The following LRRC4B variants were observed in gnomAD, a reference collection of about 807,000 sequenced individuals.
The protein encoded by LRRC4B is leucine rich repeat containing 4B, also known as leucine-rich repeat-containing protein 4B.
Under a neutral mutation model 7.3 loss-of-function variants are expected in LRRC4B, and 1 was observed. That is an observed-to-expected ratio of 0.14 (90% CI 0.05 to 0.65). LRRC4B has a LOEUF of 0.65. LRRC4B is among the 30% of genes least tolerant of loss of function. The probability of loss-of-function intolerance (pLI) is 0.84; values close to 1 mark genes in which losing one functional copy is unlikely to be tolerated. For missense variants in LRRC4B, 730 were observed against 1,041.6 expected, an observed-to-expected ratio of 0.70 and a Z score of 4.12; for synonymous variants, 500 against 499.2, an observed-to-expected ratio of 1.00 and a Z score of -0.02.
In LRRC4B at chr19:50,563,161, G is replaced by A. The variant is rs1982524759; in HGVS notation, c.-36+4783C>T. Among the ~76,000 whole-genome samples the A allele has an allele frequency of 6.6e-6, 1 of 152,110 alleles. No individual in the cohort carries two copies. The highest frequency in any genetic ancestry group is 1.5e-5 in the Non-Finnish European group (1 of 67,996). On this transcript the variant is annotated intron_variant, in intron 1 of 2. Coordinates refer to ENST00000652263, the MANE Select transcript of LRRC4B (RefSeq NM_001080457.2). This position sits in a 1 kb window ranked among gnomAD's most constrained non-coding sequence, Gnocchi z 4.9. ...CCTGGGCTCCCGCCTGCCTCCCGCA[G>A]TGAGCCCCCATCAGCCCCTCTCGTG...
chr19:50,528,614 C>T (rs967541630), intron 2 of LRRC4B, among the ~76,000 whole-genome samples: 3 of 152,244 alleles, frequency 2.0e-5, no homozygotes, highest in East Asian at 3.9e-4. Context: ...CAAAGTGCTG[C>T]GATGACGGGC....
intron 2 of LRRC4B, among the ~76,000 whole-genome samples, chr19:50,542,469 ATTTTTTTTTTTT>A (rs58092334): frequency 1.9e-5 from 2 of 107,236 alleles, no homozygotes; most frequent in South Asian, 3.0e-4. Context: ...AGAATTGCTG[ATTTTTTTTTTTT>A]TTTTTTTTTT....
In LRRC4B at chr19:50,556,933, G is replaced by A. The variant is rs1982295572; in HGVS notation, c.-35-8060C>T. ...GGAATGTCGAGCTGTTACAGAGGCC[G>A]TGGCAATGGGCCGGGGGCGGGGGGG... is the stretch of plus-strand genomic sequence containing the variant. On this transcript the variant is annotated intron_variant, in intron 1 of 2. Transcript: ENST00000652263. This position sits in a 1 kb window ranked among gnomAD's most constrained non-coding sequence, Gnocchi z 4.2. 6.6e-6 allele frequency among the ~76,000 whole-genome samples: 1 copy of A among 151,826 alleles called. No homozygotes were observed. Among genetic ancestry groups the A allele is most frequent in the Admixed American group, 6.6e-5 (1 of 15,244 alleles).
intron 2 of LRRC4B, among the ~76,000 whole-genome samples, chr19:50,521,313 G>A (rs375133000): frequency 2.0e-5 from 3 of 152,128 alleles, no homozygotes; most frequent in Non-Finnish European, 1.5e-5. Flanking sequence ...GCTTTCTGGG[G>A]TGATTGAAAG....
intron 2 of LRRC4B, among the ~76,000 whole-genome samples, chr19:50,531,307 G>A (rs539369650): frequency 7.2e-5 from 11 of 152,364 alleles, no homozygotes; most frequent in East Asian, 1.9e-4. Context: ...CCCGGGGAGC[G>A]TGCACCTGGG....
In LRRC4B at chr19:50,519,049, T is replaced by G; in HGVS notation, c.664A>C (p.Ile222Leu). The G allele has an allele frequency of 6.2e-7, 1 of 1,610,024 alleles. No individual in the cohort carries two copies. Among genetic ancestry groups the G allele is most frequent in the Non-Finnish European group, 8.5e-7 (1 of 1,179,846 alleles). ...CGCACCAGGGCCGTCAGGTTGGGGA[T>G]GTCCTTGAGGTTGCACATGCCCAGG... ...LNLGMCNLKD[I>L]PNLTALVRLE... The change falls in exon 3 of 3, where the codon ATC becomes CTC. Residue 222 changes from isoleucine to leucine, a missense_variant. By Grantham distance (5) the Ile-to-Leu change is conservative. Coordinates refer to ENST00000652263, the MANE Select transcript of LRRC4B (RefSeq NM_001080457.2). This position sits in a 1 kb window ranked among gnomAD's most constrained non-coding sequence, Gnocchi z 8.1.
chr19:50,526,457 CCA>C (rs1227850921), intron 2 of LRRC4B, among the ~76,000 whole-genome samples: 5 of 152,156 alleles, frequency 3.3e-5, no homozygotes, highest in Non-Finnish European at 7.3e-5. Flanking sequence ...TCCCTGGAGC[CCA>C]GAGTCCAGGT....
In LRRC4B at chr19:50,556,004, G is replaced by A. The variant is rs1982262480; in HGVS notation, c.-35-7131C>T. Among the ~76,000 whole-genome samples, 1 of 152,110 alleles carries A rather than the reference G, an allele frequency of 6.6e-6. No individual in the cohort carries two copies. ...TGGGAGAGACCCGGGTTCTGGGGGAGGGGACAGGCAGCGCTGGCGTTCTGA... is the reference window on the plus strand; with the variant it reads ...TGGGAGAGACCCGGGTTCTGGGGGAAGGGACAGGCAGCGCTGGCGTTCTGA... On this transcript the variant is annotated intron_variant, in intron 1 of 2. Transcript: ENST00000652263. The surrounding 1 kb of genome is among the most constrained non-coding windows in gnomAD (Gnocchi z 4.2).
chr19:50,564,319 C>T (rs78963896), intron 1 of LRRC4B, among the ~76,000 whole-genome samples: 5,425 of 152,012 alleles, frequency 0.036, 320 homozygotes, highest in African/African-American at 0.12. Context: ...CCTCTTGGGC[C>T]GCCCGGAGGA....
chr19:50,539,591 G>C (rs1981453368), intron 2 of LRRC4B, among the ~76,000 whole-genome samples: 2 of 151,042 alleles, frequency 1.3e-5, no homozygotes. Flanking sequence ...AATTTGTTCT[G>C]ATTATAAAAG....
intron 1 of LRRC4B, among the ~76,000 whole-genome samples, chr19:50,561,877 C>CT (rs1356160706): frequency 6.6e-6 from 1 of 152,060 alleles, no homozygotes; most frequent in Non-Finnish European, 1.5e-5. Flanking sequence ...AGGTGGGTCA[C>CT]TTGAGGTCAG....
At chr19:50,564,240 T>C (rs912454519) in intron 1 of LRRC4B, among the ~76,000 whole-genome samples, 1 of 152,154 alleles carries the variant, frequency 6.6e-6, no homozygotes, top group African/African-American at 2.4e-5. Context: ...TAGATTTTTA[T>C]GCAAAATCTC....
At chr19:50,526,930 T>A (rs934835608) in intron 2 of LRRC4B, among the ~76,000 whole-genome samples, 4 of 151,386 alleles carry the variant, frequency 2.6e-5, no homozygotes, top group African/African-American at 7.3e-5. Flanking sequence ...CTTGGCTTAC[T>A]ACAACCTCTG....
intron 1 of LRRC4B, among the ~76,000 whole-genome samples, chr19:50,565,549 G>GTGTT (rs1166163260): frequency 9.9e-5 from 15 of 151,838 alleles, no homozygotes; most frequent in Non-Finnish European, 2.2e-4. Flanking sequence ...GTGTGTGTGT[G>GTGTT]TGTGTGTGTG....
intron 2 of LRRC4B, among the ~76,000 whole-genome samples, chr19:50,535,890 G>C (rs1223478540): frequency 6.6e-6 from 1 of 152,222 alleles, no homozygotes; most frequent in Non-Finnish European, 1.5e-5. Flanking sequence ...GCCCAGAGAG[G>C]CATCTGAACC....
At chr19:50,531,874 C>G (rs1030491876) in intron 2 of LRRC4B, among the ~76,000 whole-genome samples, 8 of 152,112 alleles carry the variant, frequency 5.3e-5, no homozygotes, top group African/African-American at 1.9e-4. Flanking sequence ...TGGGACATGG[C>G]GAGCATGCAG....
chr19:50,548,834 G>A lies in LRRC4B; in HGVS notation c.5C>T (p.Ala2Val), dbSNP rs750615393. The A allele has an allele frequency of 1.7e-5, 25 of 1,437,434 alleles. No individual in the cohort carries two copies. The East Asian group carries it at 6.2e-4, about 36-fold the overall frequency. The allele number at this position is 1,437,434 out of a possible 1,614,324, so 89.0% of individuals were successfully genotyped here. Reference protein sequence around the residue: MARARGSPCPPL... With the variant: MVRARGSPCPPL... ...GGGGCACGGGGAGCCGCGGGCACGC[G>A]CCATCCTCAATGTTCATGCTCCGCG... Residue 2 changes from alanine (A) to valine (V), a missense_variant, in exon 2 of 3, where the codon GCG becomes GTG. By Grantham distance (64) the Ala-to-Val change is moderately conservative (BLOSUM62 0). Around this residue, in one of 6 missense-constraint regions of LRRC4B, gnomAD observed 143 missense variants for 158.4 expected, o/e 0.90. Transcript: ENST00000652263. This position sits in a 1 kb window ranked among gnomAD's most constrained non-coding sequence, Gnocchi z 6.8.
At chr19:50,536,318 G>A (rs1239092412) in intron 2 of LRRC4B, among the ~76,000 whole-genome samples, 2 of 152,122 alleles carry the variant, frequency 1.3e-5, no homozygotes, top group Non-Finnish European at 2.9e-5. Flanking sequence ...ATTTTTAGTA[G>A]AGATGGGGTT....
At chr19:50,551,517 C>T (rs895995391) in intron 1 of LRRC4B, among the ~76,000 whole-genome samples, 3 of 140,528 alleles carry the variant, frequency 2.1e-5, no homozygotes, top group East Asian at 2.2e-4. Context: ...CACCCACCGA[C>T]CCCAGCCCCC....
Sources: gnomAD v4.1 joint callset for allele counts (sites outside exome capture counted in the v4.1 genomes callset) on GRCh38, gnomAD v4.1.1 for gene constraint, gnomAD v4.1.1 regional missense constraint, Gnocchi (gnomAD v3.1) non-coding constraint, MANE v1.5 for transcripts, NCBI Gene and HGNC (gene_info 2026-07-23, HGNC 2026-07-21) for gene names.